The following AARSD1 variants were observed in gnomAD, a reference collection of about 807,000 sequenced individuals.
AARSD1 encodes alanyl-tRNA editing protein Aarsd1.
AARSD1 carries 44 observed loss-of-function variants against 48.7 expected under a neutral mutation model. The observed-to-expected ratio is 0.90, with a 90% CI of 0.71 to 1.16. The LOEUF (loss-of-function observed/expected upper bound fraction) is 1.16. Ranked by LOEUF, AARSD1 falls within the 50% of genes most tolerant of loss-of-function variation. AARSD1 has a pLI of 0.00. For synonymous variants in AARSD1, 189 were observed against 194.9 expected, an observed-to-expected ratio of 0.97 and a Z score of 0.25; for missense variants, 511 against 523.1, an observed-to-expected ratio of 0.98 and a Z score of 0.23.
chr17:42,958,529 T>C (rs921756430), intron 3 of AARSD1, among the ~76,000 whole-genome samples: 1 of 151,598 alleles, frequency 6.6e-6, no homozygotes, highest in Non-Finnish European at 1.5e-5. Context: ...TTAAATAAAA[T>C]TTATTTCATT....
intron 9 of AARSD1, among the ~76,000 whole-genome samples, chr17:42,954,486 G>A (rs1874317297): frequency 1.3e-5 from 2 of 151,738 alleles, no homozygotes; most frequent in African/African-American, 2.4e-5. Context: ...CCAGGCCGGA[G>A]TGCTGTGGCG....
chr17:42,961,460 G>A, intron 2 of AARSD1, 109 bp from the exon 3 acceptor site: 1 of 1,503,546 alleles, frequency 6.7e-7, no homozygotes. Flanking sequence ...CCCTAAGGGA[G>A]AGGGAGAAAG....
intron 2 of AARSD1, among the ~76,000 whole-genome samples, chr17:42,963,436 G>C (rs774690251): frequency 4.6e-5 from 7 of 151,384 alleles, no homozygotes; most frequent in Non-Finnish European, 8.8e-5. Flanking sequence ...GAAAAGAAAA[G>C]AAAGAAAAGC....
chr17:42,956,536 C>T lies in AARSD1; in HGVS notation c.414G>A (p.Ala138=), dbSNP rs766677586. 41 of 1,613,260 alleles carry T rather than the reference C, an allele frequency of 2.5e-5. No individual in the cohort carries two copies. Among genetic ancestry groups the T allele is most frequent in the South Asian group, 8.8e-5 (8 of 91,012 alleles). The change falls in exon 5 of 12, where the codon GCG becomes GCA. Residue 138 remains alanine, a synonymous_variant. Transcript: ENST00000427569. ...TSWELGRFRS[A]IELDTPSMTA... is the part of the protein sequence containing the mutation. Reference sequence around the variant, plus strand: ...TCATAGAGGGGGTGTCCAGCTCAATCGCACTCCGAAATCTCCCTAACTCCC... The same window carrying T: ...TCATAGAGGGGGTGTCCAGCTCAATTGCACTCCGAAATCTCCCTAACTCCC...
At chr17:42,951,971 A>G in intron 10 of AARSD1, 77 bp from the exon 11 acceptor site, 2 of 1,452,052 alleles carry the variant, frequency 1.4e-6, no homozygotes, top group South Asian at 1.2e-5. Flanking sequence ...CACTCTCTTC[A>G]ATCTTAAGAA....
At position 42,957,316 on chromosome 17, in the gene AARSD1, C is replaced by T. The variant is rs2049572064; in HGVS notation, c.332-121G>A. 3 of 1,217,822 alleles carry T rather than the reference C, an allele frequency of 2.5e-6. No homozygotes were observed. In the East Asian group the frequency reaches 7.4e-5, roughly 30 times the overall value. The allele number at this position is 1,217,822 out of a possible 1,614,324, so 75.4% of individuals were successfully genotyped here. A position where few individuals can be genotyped will look rare whatever the true frequency, so the allele number is the denominator to read the frequency against. On this transcript the variant is annotated intron_variant, in intron 3 of 11. Coordinates refer to ENST00000427569, the MANE Select transcript of AARSD1 (RefSeq NM_001261434.2). Reference sequence around the variant, plus strand: ...CTCCTTGTTGAAGACCTGCTAAGCACTGGGTAATACACTTTAGATACTTTA... The same window carrying T: ...CTCCTTGTTGAAGACCTGCTAAGCATTGGGTAATACACTTTAGATACTTTA...
intron 8 of AARSD1, 79 bp from the exon 9 acceptor site, chr17:42,955,046 C>T: frequency 6.2e-7 from 1 of 1,610,468 alleles, no homozygotes; most frequent in East Asian, 2.2e-5. Context: ...ACCTCATTCT[C>T]CCCTCACTCC....
intron 3 of AARSD1, among the ~76,000 whole-genome samples, chr17:42,959,074 G>A (rs1392034467): frequency 2.1e-5 from 3 of 145,338 alleles, no homozygotes; most frequent in East Asian, 4.6e-4. Flanking sequence ...GTGCGTGCCC[G>A]TAATCCCAGC....
intron 4 of AARSD1, 26 bp downstream of exon 4, chr17:42,957,112 C>A (rs2049567930): frequency 6.2e-7 from 1 of 1,612,938 alleles, no homozygotes; most frequent in African/African-American, 1.3e-5. Context: ...GGCCTGCCTA[C>A]AGTTAGTCTT....
chr17:42,951,659 T>C (rs1304568402), intron 11 of AARSD1, 141 bp downstream of exon 11: 2 of 819,270 alleles, frequency 2.4e-6, no homozygotes, highest in Middle Eastern at 3.2e-4. Context: ...TAGTAATAAT[T>C]ATCTCTGCTC....
intron 3 of AARSD1, chr17:42,960,833 GCTGATGCC>G (rs1410386186): frequency 4.9e-5 from 9 of 184,296 alleles, no homozygotes; most frequent in Non-Finnish European, 8.9e-5. Context: ...CTAGGTGCAT[GCTGATGCC>G]CTGCGATGAA....
At chr17:42,955,563 C>G in intron 7 of AARSD1, 2 of 458,962 alleles carry the variant, frequency 4.4e-6, no homozygotes, top group South Asian at 4.7e-5. Context: ...CTCAGCCTCT[C>G]GAGTAGCTGG....
chr17:42,964,136 G>A lies in AARSD1; in HGVS notation c.141C>T (p.Asp47=). ...CCCCGCCCTCAGGGAAAAGCACTGT[G>A]TCTTCCAGCACCACTTGGAAACCGC... ...VLSGFQVVLE[D]TVLFPEGGGQ... Residue 47 remains aspartate, a synonymous_variant, in exon 2 of 12, where the codon GAC becomes GAT. Coordinates refer to ENST00000427569, the MANE Select transcript of AARSD1 (RefSeq NM_001261434.2). The A allele has an allele frequency of 6.2e-7, 1 of 1,614,216 alleles. No individual in the cohort carries two copies. The highest frequency in any genetic ancestry group is 1.1e-5 in the South Asian group (1 of 91,092).
intron 11 of AARSD1, among the ~76,000 whole-genome samples, chr17:42,951,444 T>C (rs1415652672): frequency 6.6e-6 from 1 of 152,116 alleles, no homozygotes; most frequent in East Asian, 1.9e-4. Context: ...TCCCAGCTAC[T>C]TGAGTGGCTG....
Position 42,956,184 on chromosome 17 carries a change from C to T in AARSD1, c.663+20G>A. 6.2e-7 allele frequency: 1 copy of T among 1,613,942 alleles called. No individual in the cohort carries two copies. Among genetic ancestry groups the T allele is most frequent in the Non-Finnish European group, 8.5e-7 (1 of 1,180,014 alleles). On this transcript the variant is annotated intron_variant, in intron 6 of 11. Coordinates refer to ENST00000427569, the MANE Select transcript of AARSD1 (RefSeq NM_001261434.2). ...CCCCAATCCCTCTTCTCAGCCACTC[C>T]ACAGCCGTTCCTCACTTACCTGAAG...
chr17:42,953,675 C>A (rs755544751), intron 10 of AARSD1, 49 bp downstream of exon 10: 1 of 1,613,610 alleles, frequency 6.2e-7, no homozygotes, highest in African/African-American at 1.3e-5. Flanking sequence ...ACTTATGTCT[C>A]CCTAGGTCTC....
At chr17:42,953,697 G>C in intron 10 of AARSD1, 27 bp downstream of exon 10, 2 of 1,614,086 alleles carry the variant, frequency 1.2e-6, no homozygotes. Context: ...ATCCAGGCCG[G>C]GGTAGAGAAT....
At chr17:42,955,014 T>G in intron 8 of AARSD1, 47 bp from the exon 9 acceptor site, 1 of 1,613,200 alleles carries the variant, frequency 6.2e-7, no homozygotes, top group South Asian at 1.1e-5. Context: ...AGGATAACAA[T>G]AGAGAGTATC....
chr17:42,955,913 C>A lies in AARSD1; in HGVS notation c.723G>T (p.Leu241=). 1 of 1,614,114 alleles carries A rather than the reference C, an allele frequency of 6.2e-7. No individual in the cohort carries two copies. Among genetic ancestry groups the A allele is most frequent in the Non-Finnish European group, 8.5e-7 (1 of 1,180,032 alleles). The change falls in exon 7 of 12, where the codon CTG becomes CTT. Residue 241 remains leucine, a synonymous_variant. Transcript: ENST00000427569. ...TCCACTTCAGCACCCGGTTCCCAGA[C>A]AGAAATATCAGGTTGGTTCTGTTCT... is the stretch of plus-strand genomic sequence containing the variant. ...GKKNRTNLIF[L]SGNRVLKWME...
Sources: gnomAD v4.1 joint callset for allele counts (sites outside exome capture counted in the v4.1 genomes callset) on GRCh38, gnomAD v4.1.1 for gene constraint, MANE v1.5 for transcripts, NCBI Gene and HGNC (gene_info 2026-07-23, HGNC 2026-07-21) for gene names.